Variants in PREX2 observed in about 807,000 individuals in gnomAD.
PREX2 encodes phosphatidylinositol 3,4,5-trisphosphate-dependent Rac exchanger 2 protein.
PREX2 carries 107 observed loss-of-function variants against 203.2 expected under a neutral mutation model. The ratio of observed to expected loss-of-function variants is 0.53; its 90% CI spans 0.45 to 0.62. The LOEUF is 0.62. Ranked by LOEUF, PREX2 falls within the 20% of genes least tolerant of loss-of-function variation. PREX2 has a pLI of 0.00. For missense variants in PREX2, 1,777 were observed against 1,955.9 expected (o/e 0.91, Z 1.72); for synonymous variants, 672 against 663.6 (o/e 1.01, Z -0.19).
At chr8:68,065,394 T>C (rs537581332) in intron 11 of PREX2, among the ~76,000 whole-genome samples, 18 of 152,368 alleles carry the variant, frequency 1.2e-4, no homozygotes, top group African/African-American at 3.6e-4. Flanking sequence ...CTTGATTTTA[T>C]ATTTCTTTCA....
At chr8:68,157,705 C>T (rs550214085) in intron 35 of PREX2, among the ~76,000 whole-genome samples, 1 of 151,734 alleles carries the variant, frequency 6.6e-6, no homozygotes, top group South Asian at 2.1e-4. Context: ...TGTAGTAGAC[C>T]GTTTCCAAGA....
intron 32 of PREX2, among the ~76,000 whole-genome samples, chr8:68,135,700 A>G (rs767958372): frequency 2.4e-4 from 37 of 152,166 alleles, no homozygotes; most frequent in Non-Finnish European, 4.6e-4. Context: ...GAGTTTCCAT[A>G]TTACCTAGAA....
Position 68,077,476 on chromosome 8 carries a change from A to AT in PREX2, c.1642+13dup, listed in dbSNP as rs775359586. 6 of 1,597,816 alleles carry AT rather than the reference A, an allele frequency of 3.8e-6. No individual in the cohort carries two copies. In the African/African-American group the frequency reaches 4.0e-5, roughly 11 times the overall value. ...AATGGATTTATGCACCATGGTAGGG[A>AT]TTTTTTACCCTGGGAGCTTACAGAT... On this transcript the variant is annotated splice_region_variant and intron_variant, in intron 15 of 39. Transcript: ENST00000288368.
At chr8:68,198,271 A>G (rs1812438191) in intron 37 of PREX2, among the ~76,000 whole-genome samples, 1 of 152,216 alleles carries the variant, frequency 6.6e-6, no homozygotes, top group African/African-American at 2.4e-5. Flanking sequence ...ATGAACAAAT[A>G]AAAGTATTTA....
At chr8:68,052,907 A>C (rs1207435940) in intron 8 of PREX2, among the ~76,000 whole-genome samples, 190 bp from the exon 9 acceptor site, 1 of 152,196 alleles carries the variant, frequency 6.6e-6, no homozygotes, top group East Asian at 1.9e-4. Flanking sequence ...ATTATTGAGC[A>C]CTGACAGCAT....
intron 31 of PREX2, among the ~76,000 whole-genome samples, chr8:68,133,446 T>C (rs1026778781): frequency 2.6e-5 from 4 of 152,182 alleles, no homozygotes; most frequent in Non-Finnish European, 5.9e-5. Flanking sequence ...ATATTACTTA[T>C]TTGAAAGAAT....
At chr8:68,095,566 T>G (rs1018383113) in intron 21 of PREX2, among the ~76,000 whole-genome samples, 1 of 45,094 alleles carries the variant, frequency 2.2e-5, no homozygotes, top group Non-Finnish European at 4.0e-5. Context: ...TGTATCTATG[T>G]GTGTGTGTGT....
intron 1 of PREX2, among the ~76,000 whole-genome samples, chr8:67,964,757 T>C (rs73683256): frequency 1.5e-3 from 236 of 152,324 alleles, no homozygotes; most frequent in African/African-American, 5.5e-3. Flanking sequence ...GTTTTTGTTA[T>C]GTGTTTCTTA....
intron 30 of PREX2, among the ~76,000 whole-genome samples, chr8:68,126,684 G>A (rs1810894722): frequency 6.6e-6 from 1 of 151,934 alleles, no homozygotes; most frequent in Non-Finnish European, 1.5e-5. Context: ...AACTTTGTAA[G>A]TTTTTAAATT....
At chr8:68,206,606 C>T (rs1331797432) in intron 37 of PREX2, among the ~76,000 whole-genome samples, 1 of 152,244 alleles carries the variant, frequency 6.6e-6, no homozygotes, top group Middle Eastern at 3.4e-3. Context: ...GAAGAGCTAC[C>T]CTTGAATTCA....
intron 37 of PREX2, among the ~76,000 whole-genome samples, chr8:68,193,583 A>C (rs1386775403): frequency 1.3e-5 from 2 of 152,232 alleles, no homozygotes; most frequent in African/African-American, 2.4e-5. Flanking sequence ...CAAGCAAAAA[A>C]AATTTCAAAA....
At chr8:68,032,108 C>T (rs935634881) in intron 6 of PREX2, among the ~76,000 whole-genome samples, 2 of 152,126 alleles carry the variant, frequency 1.3e-5, no homozygotes, top group Non-Finnish European at 2.9e-5. Flanking sequence ...GTAGGTGGAA[C>T]TATATCATAT....
Position 68,118,563 on chromosome 8 carries a change from A to G in PREX2, c.3340A>G (p.Asn1114Asp). ...NRDSYSDCNS[N>D]RNSIASFTSI... ...TGTTGTTTTCAGTGACTGCAACAGC[A>G]ATAGGAATTCCATCGCCTCCTTCAC... The change falls in exon 27 of 40, where the codon AAT (asparagine) becomes GAT (aspartate). Residue 1114 changes from asparagine (N) to aspartate (D), a missense_variant. Physicochemically the swap from Asn to Asp is conservative, Grantham distance 23. Transcript: ENST00000288368. 1.2e-6 allele frequency: 2 copies of G among 1,613,814 alleles called. No homozygotes were observed.
At chr8:68,080,914 C>T in intron 17 of PREX2, 76 bp downstream of exon 17, 2 of 851,654 alleles carry the variant, frequency 2.3e-6, no homozygotes, top group South Asian at 2.9e-5. Context: ...AAACTGAAAT[C>T]TGCCTTTAAA....
chr8:68,066,442 T>C (rs964469946), intron 11 of PREX2, among the ~76,000 whole-genome samples: 1 of 152,200 alleles, frequency 6.6e-6, no homozygotes, highest in African/African-American at 2.4e-5. Context: ...GATTATAGTT[T>C]CGATTTGCAT....
chr8:68,190,341 T>C (rs1393569146), intron 35 of PREX2, among the ~76,000 whole-genome samples: 1 of 152,014 alleles, frequency 6.6e-6, no homozygotes, highest in African/African-American at 2.4e-5. Context: ...GATGGTGAAT[T>C]TGAATGTATT....
intron 21 of PREX2, among the ~76,000 whole-genome samples, chr8:68,095,270 GA>G (rs1232670117): frequency 6.6e-6 from 1 of 152,028 alleles, no homozygotes; most frequent in Non-Finnish European, 1.5e-5. Flanking sequence ...CCCCTCCCCA[GA>G]GGTCCAGGGG....
At chr8:68,098,266 CTGTT>C (rs1394142549) in intron 22 of PREX2, among the ~76,000 whole-genome samples, 2 of 152,108 alleles carry the variant, frequency 1.3e-5, no homozygotes, top group Admixed American at 1.3e-4. Flanking sequence ...CTTTATGTCT[CTGTT>C]TGAATTGTTG....
chr8:68,003,944 G>A (rs1017054917), intron 1 of PREX2, among the ~76,000 whole-genome samples: 3 of 140,330 alleles, frequency 2.1e-5, no homozygotes, highest in African/African-American at 8.0e-5. Flanking sequence ...TGCCTCCCCC[G>A]TTCCAGCGAT....
Sources: allele counts gnomAD v4.1 joint callset (sites outside exome capture counted in the v4.1 genomes callset), GRCh38; gene constraint gnomAD v4.1.1; transcripts MANE v1.5; gene names NCBI Gene and HGNC (gene_info 2026-07-23, HGNC 2026-07-21).